The following RPS6KA2 variants were observed in gnomAD, a reference collection of about 807,000 sequenced individuals.
RPS6KA2 encodes ribosomal protein S6 kinase alpha-2.
Under a neutral mutation model 91.8 loss-of-function variants are expected in RPS6KA2, and 42 were observed. The observed-to-expected ratio is 0.46, with a 90% CI of 0.36 to 0.59. RPS6KA2 has a LOEUF of 0.59. RPS6KA2 is among the 20% of genes least tolerant of loss of function. RPS6KA2 has a pLI of 0.00. For synonymous variants in RPS6KA2, 414 were observed against 393.6 expected (o/e 1.05, Z -0.61); for missense variants, 798 against 978.5 (o/e 0.82, Z 2.46).
intron 2 of RPS6KA2, among the ~76,000 whole-genome samples, chr6:166,838,231 A>ATTTT (rs10670744): frequency 0.052 from 7,941 of 152,292 alleles, 718 homozygotes; most frequent in African/African-American, 0.18. Flanking sequence ...GCTATAATTG[A>ATTTT]TTCAAGGAAG....
At chr6:166,593,917 C>T (rs896487730) in intron 1 of RPS6KA2, among the ~76,000 whole-genome samples, 1 of 152,148 alleles carries the variant, frequency 6.6e-6, no homozygotes, top group African/African-American at 2.4e-5. Flanking sequence ...ACTCAGGTAA[C>T]ACTATCACAA....
intron 2 of RPS6KA2, among the ~76,000 whole-genome samples, chr6:166,841,507 G>A (rs1249583422): frequency 1.3e-5 from 2 of 152,246 alleles, no homozygotes; most frequent in African/African-American, 4.8e-5. Context: ...CAAAGTTATA[G>A]GAGGGTAAGG....
At chr6:166,764,074 C>T (rs115479469) in intron 2 of RPS6KA2, among the ~76,000 whole-genome samples, 3,219 of 152,202 alleles carry the variant, frequency 0.021, 83 homozygotes, top group South Asian at 0.049. Flanking sequence ...TTGCCATGTG[C>T]GGGGCTTCTG....
chr6:166,525,582 A>T (rs146574100), intron 3 of RPS6KA2, among the ~76,000 whole-genome samples: 42 of 152,344 alleles, frequency 2.8e-4, no homozygotes, highest in African/African-American at 9.6e-4. Flanking sequence ...TCCCACTGAC[A>T]ACCCTCACTT....
Position 166,469,815 on chromosome 6 carries a change from G to A in RPS6KA2, c.972+26C>T, listed in dbSNP as rs114094369. 1.2e-3 allele frequency: 1,916 copies of A among 1,603,966 alleles called. 26 individuals carry two copies. The African/African-American group carries it at 0.023, about 19-fold the overall frequency. On this transcript the variant is annotated intron_variant, in intron 11 of 20. Coordinates refer to ENST00000265678, the MANE Select transcript of RPS6KA2 (RefSeq NM_021135.6). ...CCCACTTCTGTGTCACGCGTGTGCA[G>A]GTGGGGACTGTGGCATGCAACTTAC...
chr6:166,597,794 A>C (rs1785590131), intron 1 of RPS6KA2, among the ~76,000 whole-genome samples: 1 of 152,114 alleles, frequency 6.6e-6, no homozygotes, highest in Non-Finnish European at 1.5e-5. Flanking sequence ...ATCATCGAGA[A>C]GAGAATAGAA....
chr6:166,770,087 A>T lies in RPS6KA2; in HGVS notation c.123+88113T>A, dbSNP rs935859088. On this transcript the variant is annotated intron_variant, in intron 2 of 21. Transcript: ENST00000503859. This position sits in a 1 kb window ranked among gnomAD's most constrained non-coding sequence, Gnocchi z 5.1. The stretch of plus-strand genomic sequence containing the variant: ...TCCAATGACCCGTTTGGCACCTACA[A>T]GGAGCAGGCCCATCTAGCCTGCTGT... 2.0e-5 allele frequency among the ~76,000 whole-genome samples: 3 copies of T among 152,230 alleles called. No individual in the cohort carries two copies. Among genetic ancestry groups the T allele is most frequent in the Admixed American group, 6.5e-5 (1 of 15,280 alleles).
At chr6:166,778,026 A>G (rs968694460) in intron 2 of RPS6KA2, among the ~76,000 whole-genome samples, 2 of 152,392 alleles carry the variant, frequency 1.3e-5, no homozygotes, top group East Asian at 3.9e-4. Flanking sequence ...TAATAAAATC[A>G]TAATCCAAAA....
At chr6:166,756,366 G>C (rs1209542344) in intron 2 of RPS6KA2, among the ~76,000 whole-genome samples, 1 of 152,072 alleles carries the variant, frequency 6.6e-6, no homozygotes, top group African/African-American at 2.4e-5. Flanking sequence ...CATACCCATG[G>C]GTCTGTCAGT....
At chr6:166,538,361 A>T (rs984385567) in intron 2 of RPS6KA2, among the ~76,000 whole-genome samples, 1 of 152,016 alleles carries the variant, frequency 6.6e-6, no homozygotes, top group Non-Finnish European at 1.5e-5. Context: ...TCAAAGATAC[A>T]TTGGCTCAGG....
intron 1 of RPS6KA2, among the ~76,000 whole-genome samples, chr6:166,594,714 G>A (rs1258346019): frequency 2.0e-5 from 3 of 152,236 alleles, no homozygotes; most frequent in East Asian, 3.9e-4. Flanking sequence ...CGCCCGCCTC[G>A]GCCTCCCAAA....
chr6:166,681,926 C>T (rs1308561938), intron 2 of RPS6KA2, among the ~76,000 whole-genome samples: 1 of 152,092 alleles, frequency 6.6e-6, no homozygotes, highest in South Asian at 2.1e-4. Context: ...GTCTCGACAC[C>T]ACCCACCACC....
At chr6:166,550,627 G>T (rs947221605) in intron 1 of RPS6KA2, among the ~76,000 whole-genome samples, 1 of 152,026 alleles carries the variant, frequency 6.6e-6, no homozygotes, top group South Asian at 2.1e-4. Context: ...GCAGTTCACA[G>T]ATTTTTTCCT....
chr6:166,739,858 C>G (rs1428115048), intron 2 of RPS6KA2, among the ~76,000 whole-genome samples: 1 of 152,246 alleles, frequency 6.6e-6, no homozygotes, highest in South Asian at 2.1e-4. Flanking sequence ...GCAGTCGGGA[C>G]AAGCCCAACC....
chr6:166,790,189 T>C (rs1009981617), intron 2 of RPS6KA2, among the ~76,000 whole-genome samples: 6 of 151,914 alleles, frequency 3.9e-5, no homozygotes, highest in African/African-American at 1.2e-4. Context: ...GAGCTGAAAG[T>C]CAAGGGTCGA....
chr6:166,844,113 G>A (rs1469826432), intron 2 of RPS6KA2, among the ~76,000 whole-genome samples: 1 of 152,016 alleles, frequency 6.6e-6, no homozygotes, highest in Non-Finnish European at 1.5e-5. Flanking sequence ...CACACTTAGA[G>A]AAATACAAAA....
At position 166,842,127 on chromosome 6, in the gene RPS6KA2, C is replaced by CT. The variant is rs548803202; in HGVS notation, c.123+16072dup. On this transcript the variant is annotated intron_variant, in intron 2 of 21. Coordinates refer to the RPS6KA2 transcript ENST00000503859. ...TGGCTCATGCCCCAAAAAGCAGGTT[C>CT]TCTCGCAAAGACTCTGAGACCCTGA... Among the ~76,000 whole-genome samples the CT allele has an allele frequency of 1.2e-4, 19 of 152,318 alleles. No homozygotes were observed. The East Asian group carries it at 3.7e-3, about 29-fold the overall frequency.
In RPS6KA2 at chr6:166,639,535, G is replaced by C. The variant is rs1787361573; in HGVS notation, c.124-100751C>G. 6.6e-6 allele frequency among the ~76,000 whole-genome samples: 1 copy of C among 152,134 alleles called. No homozygotes were observed. Among genetic ancestry groups the C allele is most frequent in the African/African-American group, 2.4e-5 (1 of 41,422 alleles). ...CAGGGCATGCATAGCTCCAGAGCTT[G>C]GAAGCTTGGAAGCCCCAGACTCTGT... On this transcript the variant is annotated intron_variant, in intron 2 of 21. Transcript: ENST00000503859. This position sits in a 1 kb window ranked among gnomAD's most constrained non-coding sequence, Gnocchi z 4.2.
chr6:166,717,610 T>A (rs570300571), intron 2 of RPS6KA2, among the ~76,000 whole-genome samples: 34 of 152,108 alleles, frequency 2.2e-4, no homozygotes, highest in Non-Finnish European at 4.6e-4. Context: ...AGCGTGGGGT[T>A]GGAAGGGAGT....
Sources: allele counts gnomAD v4.1 joint callset (sites outside exome capture counted in the v4.1 genomes callset), GRCh38; gene constraint gnomAD v4.1.1; non-coding constraint Gnocchi (gnomAD v3.1); transcripts MANE v1.5; gene names NCBI Gene and HGNC (gene_info 2026-07-23, HGNC 2026-07-21).